GSE1: variants seen among roughly 807,000 people sequenced by gnomAD.
GSE1 encodes the protein Gse1 coiled-coil protein.
In GSE1, 32 loss-of-function variants were observed where a neutral mutation model predicts 112.6. The observed-to-expected ratio is 0.28, with a 90% CI of 0.21 to 0.38. The LOEUF (loss-of-function observed/expected upper bound fraction) is 0.38, where lower values mean the gene tolerates loss of function less well. Among genes scored for constraint, GSE1 ranks in the 10% least tolerant of loss-of-function variants. GSE1 has a pLI of 1.00. For synonymous variants in GSE1, 1,115 were observed against 735.6 expected, an observed-to-expected ratio of 1.52 and a Z score of -8.35; for missense variants, 2,348 against 1,699.2, an observed-to-expected ratio of 1.38 and a Z score of -6.71.
chr16:85,530,408 C>T (rs1166001012), intron 2 of GSE1, among the ~76,000 whole-genome samples: 1 of 152,034 alleles, frequency 6.6e-6, no homozygotes, highest in Non-Finnish European at 1.5e-5. Context: ...ATATAGGATA[C>T]TTTGGGGATG....
intron 1 of GSE1, among the ~76,000 whole-genome samples, chr16:85,305,463 GTTGT>G (rs1353411470): frequency 2.4e-5 from 1 of 41,748 alleles, no homozygotes; most frequent in East Asian, 1.2e-3. Flanking sequence ...TCAGTTTTTT[GTTGT>G]TTTTTTTTTT....
chr16:85,569,746 G>C (rs956882746), intron 1 of GSE1, among the ~76,000 whole-genome samples: 5 of 152,352 alleles, frequency 3.3e-5, no homozygotes, highest in African/African-American at 1.2e-4. Context: ...AGGAACCGAA[G>C]AGTTTACTAC....
chr16:85,281,378 G>A (rs2044853862), intron 1 of GSE1, among the ~76,000 whole-genome samples: 1 of 151,924 alleles, frequency 6.6e-6, no homozygotes, highest in South Asian at 2.1e-4. Flanking sequence ...GCAGTTCCAG[G>A]CACGAGTTAA....
chr16:85,185,937 G>A (rs1187699732), intron 1 of GSE1, among the ~76,000 whole-genome samples: 1 of 152,226 alleles, frequency 6.6e-6, no homozygotes, highest in Non-Finnish European at 1.5e-5. Context: ...CCGAGGGCGC[G>A]GAGGCCTGAG....
chr16:85,202,440 G>C (rs561545420), intron 1 of GSE1, among the ~76,000 whole-genome samples: 2 of 152,342 alleles, frequency 1.3e-5, no homozygotes, highest in African/African-American at 4.8e-5. Flanking sequence ...GGGCCCACAG[G>C]ACATTTTTTT....
rs76772111 is a variant in GSE1 at position 85,298,159 on chromosome 16, G to T, written c.2284-59304G>T. On this transcript the variant is annotated intron_variant, in intron 1 of 2. Coordinates refer to the GSE1 transcript ENST00000637419. ...AAGCGGATTCGAATTCCGCAGTGCG[G>T]GGTGGGGCCTGGGACTCTGTATTTC... Among the ~76,000 whole-genome samples the T allele has an allele frequency of 5.3e-3, 814 of 152,322 alleles. 10 individuals are homozygous for T. Among genetic ancestry groups the T allele is most frequent in the African/African-American group, 0.019 (770 of 41,574 alleles).
At chr16:85,579,467 G>C (rs1347188369) in intron 1 of GSE1, among the ~76,000 whole-genome samples, 1 of 152,182 alleles carries the variant, frequency 6.6e-6, no homozygotes, top group African/African-American at 2.4e-5. Flanking sequence ...TGATAATCCG[G>C]CCTGGCCCTG....
At chr16:85,250,343 G>A (rs891995045) in intron 1 of GSE1, among the ~76,000 whole-genome samples, 1 of 152,200 alleles carries the variant, frequency 6.6e-6, no homozygotes, top group Non-Finnish European at 1.5e-5. Flanking sequence ...CCCAGCCCCT[G>A]CAGGACCGGC....
intron 2 of GSE1, among the ~76,000 whole-genome samples, chr16:85,472,718 C>T (rs561411257): frequency 6.6e-6 from 1 of 152,364 alleles, no homozygotes; most frequent in South Asian, 2.1e-4. Context: ...GCTCTGTCTG[C>T]TTCTGCCACC....
chr16:85,633,212 C>G (rs187461016), intron 1 of GSE1, among the ~76,000 whole-genome samples: 1 of 152,290 alleles, frequency 6.6e-6, no homozygotes, highest in Middle Eastern at 3.4e-3. Context: ...GCAGTGCGGC[C>G]GTGTTCTTCC....
chr16:85,334,466 C>G lies in GSE1; in HGVS notation c.2284-22997C>G, dbSNP rs575654689. 2.6e-5 allele frequency among the ~76,000 whole-genome samples: 4 copies of G among 152,354 alleles called. No individual in the cohort carries two copies. In the South Asian group the frequency reaches 8.3e-4, roughly 32 times the overall value. ...GCCCCCTCCAGCCATGATGAGCTCT[C>G]CTCTCCCGGCATCCCTTCTCTGCGT... On this transcript the variant is annotated intron_variant, in intron 1 of 2. Coordinates refer to the GSE1 transcript ENST00000637419.
At chr16:85,265,076 G>A (rs1262916154) in intron 1 of GSE1, among the ~76,000 whole-genome samples, 1 of 152,216 alleles carries the variant, frequency 6.6e-6, no homozygotes, top group East Asian at 1.9e-4. Context: ...CGCAGTAAAC[G>A]CGCACTCTTA....
chr16:85,275,221 A>T (rs1909238236), intron 1 of GSE1, among the ~76,000 whole-genome samples: 1 of 152,152 alleles, frequency 6.6e-6, no homozygotes, highest in South Asian at 2.1e-4. Flanking sequence ...GAGGCCTCCG[A>T]ACTGGAGGAG....
At chr16:85,649,604 C>T (rs754712) in intron 3 of GSE1, among the ~76,000 whole-genome samples, 117,281 of 151,864 alleles carry the variant, frequency 0.77, 45,772 homozygotes, top group East Asian at 0.88. Context: ...GGGGCCTGTG[C>T]GCCCTCAGGT....
chr16:85,575,273 C>T (rs762881604), intron 1 of GSE1, among the ~76,000 whole-genome samples: 6 of 152,314 alleles, frequency 3.9e-5, no homozygotes, highest in South Asian at 2.1e-4. Context: ...TTGGCTGTGG[C>T]GAGCAGCTTT....
intron 2 of GSE1, among the ~76,000 whole-genome samples, chr16:85,359,952 T>G (rs1391758918): frequency 3.3e-5 from 5 of 152,258 alleles, no homozygotes; most frequent in African/African-American, 1.2e-4. Flanking sequence ...GAGGATCACT[T>G]GATTCCAGGA....
chr16:85,226,143 G>A (rs1052419580), intron 1 of GSE1, among the ~76,000 whole-genome samples: 4 of 152,136 alleles, frequency 2.6e-5, no homozygotes, highest in African/African-American at 7.2e-5. Context: ...CCTTAGACAC[G>A]TGTCACTGAG....
intron 1 of GSE1, among the ~76,000 whole-genome samples, chr16:85,277,405 G>A (rs1212353263): frequency 6.6e-6 from 1 of 152,208 alleles, no homozygotes; most frequent in East Asian, 1.9e-4. Context: ...CTGAAAGGCG[G>A]AAGAGGCTGA....
chr16:85,376,750 G>A (rs2047429606), intron 2 of GSE1, among the ~76,000 whole-genome samples: 2 of 152,208 alleles, frequency 1.3e-5, no homozygotes, highest in African/African-American at 4.8e-5. Context: ...GGGAGTGAGA[G>A]GGGGCTTTGC....
Sources: gnomAD v4.1 joint callset for allele counts (sites outside exome capture counted in the v4.1 genomes callset) on GRCh38, gnomAD v4.1.1 for gene constraint, MANE v1.5 for transcripts, NCBI Gene and HGNC (gene_info 2026-07-23, HGNC 2026-07-21) for gene names.